BTBD9: variants seen among roughly 807,000 people sequenced by gnomAD.
The protein encoded by BTBD9 is BTB/POZ domain-containing protein 9.
A neutral mutation model predicts 64.3 loss-of-function variants in BTBD9; 49 were observed. That is an observed-to-expected ratio of 0.76 (90% CI 0.61 to 0.97). BTBD9 has a LOEUF of 0.97. Ranked by LOEUF, BTBD9 falls within the 50% of genes least tolerant of loss-of-function variation. BTBD9 has a pLI of 0.00. For synonymous variants in BTBD9, 260 were observed against 274.7 expected, an observed-to-expected ratio of 0.95 and a Z score of 0.53; for missense variants, 598 against 762.1, an observed-to-expected ratio of 0.78 and a Z score of 2.53.
chr6:38,217,318 C>CAAAAAAA (rs3047754), intron 9 of BTBD9, among the ~76,000 whole-genome samples: 4 of 69,260 alleles, frequency 5.8e-5, no homozygotes, highest in Admixed American at 1.9e-4. Flanking sequence ...GACTCCATCT[C>CAAAAAAA]AAAAAAAAAA....
chr6:38,558,453 G>A (rs1444908430), intron 6 of BTBD9, among the ~76,000 whole-genome samples: 1 of 152,170 alleles, frequency 6.6e-6, no homozygotes, highest in Non-Finnish European at 1.5e-5. Flanking sequence ...CGTGGTGAGA[G>A]TGGACATCCT....
intron 6 of BTBD9, among the ~76,000 whole-genome samples, chr6:38,532,873 G>A (rs1406489340): frequency 2.0e-5 from 3 of 151,628 alleles, no homozygotes; most frequent in Non-Finnish European, 2.9e-5. Context: ...CTTGAGAAAA[G>A]TGAAAGGAAA....
chr6:38,470,024 G>A (rs1313295395), intron 6 of BTBD9, among the ~76,000 whole-genome samples: 1 of 152,132 alleles, frequency 6.6e-6, no homozygotes, highest in Non-Finnish European at 1.5e-5. Flanking sequence ...ATAACATCCT[G>A]GAGACCAGAC....
At chr6:38,410,153 C>T (rs1202850649) in intron 6 of BTBD9, among the ~76,000 whole-genome samples, 1 of 152,120 alleles carries the variant, frequency 6.6e-6, no homozygotes, top group African/African-American at 2.4e-5. Context: ...AAACATCTAT[C>T]TCTTATATCT....
intron 2 of BTBD9, chr6:38,596,012 C>A: frequency 1.0e-6 from 1 of 985,426 alleles, no homozygotes; most frequent in Non-Finnish European, 1.2e-6. Flanking sequence ...AACAAGGAGA[C>A]AAGCACAGAG....
At chr6:38,412,384 C>T (rs1767466270) in intron 6 of BTBD9, among the ~76,000 whole-genome samples, 1 of 151,976 alleles carries the variant, frequency 6.6e-6, no homozygotes, top group Non-Finnish European at 1.5e-5. Flanking sequence ...AAATGAAAAG[C>T]TCTCACCAAC....
rs536096647 is a variant in BTBD9, at chr6:38,168,597, A to G, written c.*6388T>C. On this transcript the variant is annotated 3_prime_UTR_variant, in exon 11 of 11. Coordinates refer to ENST00000481247, the MANE Select transcript of BTBD9 (RefSeq NM_001099272.2). ...AGAAGCCGCATCGTGCTCACAAATA[A>G]TACACATTCCACATAGCAGCACAGC... 6.6e-6 allele frequency: 1 copy of G among 152,368 alleles called. No homozygotes were observed. The highest frequency in any genetic ancestry group is 1.5e-5 in the Non-Finnish European group (1 of 68,044). 9.4% of individuals were successfully genotyped at this position (152,368 alleles called of 1,614,324 possible).
chr6:38,213,801 G>GA (rs938358807), intron 9 of BTBD9, among the ~76,000 whole-genome samples: 27 of 152,110 alleles, frequency 1.8e-4, no homozygotes, highest in African/African-American at 6.5e-4. Context: ...CTAACATGGT[G>GA]AAACCCCATC....
chr6:38,529,808 T>G (rs1773703514), intron 6 of BTBD9, among the ~76,000 whole-genome samples: 1 of 152,202 alleles, frequency 6.6e-6, no homozygotes, highest in Admixed American at 6.5e-5. Context: ...ACAAATTGAT[T>G]GTAAAACGTG....
chr6:38,270,054 T>C (rs181697163), intron 8 of BTBD9, among the ~76,000 whole-genome samples: 39 of 152,294 alleles, frequency 2.6e-4, no homozygotes, highest in Non-Finnish European at 5.6e-4. Context: ...CACTCCTATC[T>C]AGCTAAGGCC....
chr6:38,629,403 A>G (rs956336236), intron 1 of BTBD9, among the ~76,000 whole-genome samples: 4 of 152,238 alleles, frequency 2.6e-5, no homozygotes, highest in African/African-American at 7.2e-5. Flanking sequence ...CAATAATAGA[A>G]CAAATCAACA....
intron 6 of BTBD9, among the ~76,000 whole-genome samples, chr6:38,401,053 A>G (rs1178483340): frequency 6.6e-6 from 1 of 152,042 alleles, no homozygotes; most frequent in Admixed American, 6.6e-5. Flanking sequence ...TCCTTCCATA[A>G]TATGTATCAC....
chr6:38,210,663 T>C (rs1762805706), intron 9 of BTBD9, among the ~76,000 whole-genome samples: 1 of 152,136 alleles, frequency 6.6e-6, no homozygotes, highest in Non-Finnish European at 1.5e-5. Flanking sequence ...CCTCTTGGTC[T>C]GGCATTTCTT....
At chr6:38,512,581 C>A (rs1040655860) in intron 6 of BTBD9, among the ~76,000 whole-genome samples, 2 of 152,190 alleles carry the variant, frequency 1.3e-5, no homozygotes, top group Admixed American at 1.3e-4. Flanking sequence ...CCAGCTTCCA[C>A]AATAAGGAGG....
intron 7 of BTBD9, among the ~76,000 whole-genome samples, chr6:38,300,936 C>T (rs867934610): frequency 6.6e-6 from 1 of 152,172 alleles, no homozygotes; most frequent in Non-Finnish European, 1.5e-5. Context: ...CTGTCTTGTG[C>T]CAGTTTTCAA....
At chr6:38,257,394 G>A (rs68030046) in intron 8 of BTBD9, among the ~76,000 whole-genome samples, 6,974 of 149,002 alleles carry the variant, frequency 0.047, 218 homozygotes, top group Non-Finnish European at 0.068. Flanking sequence ...TCAGGGTCTC[G>A]CTATGTTGCC....
intron 1 of BTBD9, among the ~76,000 whole-genome samples, chr6:38,599,190 G>A (rs1253823826): frequency 2.0e-5 from 3 of 152,056 alleles, no homozygotes; most frequent in African/African-American, 4.8e-5. Flanking sequence ...GAAAATCAAA[G>A]GGCTAAAATA....
At chr6:38,533,092 A>T (rs551613121) in intron 6 of BTBD9, among the ~76,000 whole-genome samples, 21 of 152,126 alleles carry the variant, frequency 1.4e-4, no homozygotes, top group Non-Finnish European at 2.9e-4. Flanking sequence ...TCAAAAGACA[A>T]AGAATGGTTG....
intron 7 of BTBD9, among the ~76,000 whole-genome samples, chr6:38,317,996 G>A (rs551217269): frequency 4.0e-5 from 6 of 148,970 alleles, no homozygotes; most frequent in Non-Finnish European, 7.4e-5. Flanking sequence ...GTGCAGTGGC[G>A]TGATCTCGGC....
Sources: gnomAD v4.1 joint callset for allele counts (sites outside exome capture counted in the v4.1 genomes callset) on GRCh38, gnomAD v4.1.1 for gene constraint, MANE v1.5 for transcripts, NCBI Gene and HGNC (gene_info 2026-07-23, HGNC 2026-07-21) for gene names.